RALYL: variants seen among roughly 807,000 people sequenced by gnomAD.
The protein encoded by RALYL is RNA-binding Raly-like protein.
A neutral mutation model predicts 35.1 loss-of-function variants in RALYL; 29 were observed. That is an observed-to-expected ratio of 0.83 (90% CI 0.61 to 1.13). The LOEUF is 1.13. Among genes scored for constraint, RALYL ranks in the 50% most tolerant of loss-of-function variants. RALYL has a pLI of 0.00. For missense variants in RALYL, 359 were observed against 360.4 expected (o/e 1.00, Z 0.03); for synonymous variants, 120 against 127.6 (o/e 0.94, Z 0.40).
intron 2 of RALYL, among the ~76,000 whole-genome samples, chr8:84,651,361 G>T (rs940558822): frequency 2.6e-5 from 4 of 151,802 alleles, no homozygotes; most frequent in African/African-American, 9.7e-5. Context: ...TTAATAACTT[G>T]TATGGAACCA....
intron 2 of RALYL, among the ~76,000 whole-genome samples, chr8:84,749,659 G>A (rs1380038070): frequency 6.6e-6 from 1 of 152,168 alleles, no homozygotes; most frequent in Non-Finnish European, 1.5e-5. Context: ...GTAGCATTGG[G>A]AGAGGGAAGG....
chr8:84,267,822 TTTG>T (rs1222773194), intron 1 of RALYL, among the ~76,000 whole-genome samples: 12 of 152,298 alleles, frequency 7.9e-5, no homozygotes, highest in African/African-American at 1.4e-4. Context: ...GAGGTGTTTT[TTTG>T]TTGTTGTTGT....
intron 1 of RALYL, among the ~76,000 whole-genome samples, chr8:84,502,393 T>A (rs539920478): frequency 1.3e-5 from 2 of 152,102 alleles, no homozygotes; most frequent in Admixed American, 1.3e-4. Flanking sequence ...ATCCCAAGCA[T>A]CCCTTGACCA....
At chr8:84,244,035 TA>T (rs1828561031) in intron 1 of RALYL, among the ~76,000 whole-genome samples, 1 of 152,146 alleles carries the variant, frequency 6.6e-6, no homozygotes. Context: ...CTTAGTAAAT[TA>T]TTTTTTTTCT....
intron 1 of RALYL, among the ~76,000 whole-genome samples, chr8:84,479,303 T>A (rs962679825): frequency 6.6e-6 from 1 of 151,978 alleles, no homozygotes; most frequent in African/African-American, 2.4e-5. Context: ...CTCTTTTGAA[T>A]GCAAAAATCA....
At chr8:84,441,954 A>G (rs2048375306) in intron 1 of RALYL, among the ~76,000 whole-genome samples, 1 of 152,118 alleles carries the variant, frequency 6.6e-6, no homozygotes, top group Non-Finnish European at 1.5e-5. Context: ...ACATATAGGT[A>G]TATTTATTCC....
intron 2 of RALYL, among the ~76,000 whole-genome samples, chr8:84,551,829 C>T (rs538905513): frequency 6.6e-6 from 1 of 152,082 alleles, no homozygotes; most frequent in East Asian, 1.9e-4. Flanking sequence ...CCATTTTTAC[C>T]CTAGCTTGGA....
At chr8:84,659,394 G>T (rs573092963) in intron 2 of RALYL, among the ~76,000 whole-genome samples, 5 of 152,156 alleles carry the variant, frequency 3.3e-5, no homozygotes, top group Admixed American at 1.3e-4. Context: ...GAGAGCCATT[G>T]TACCCCTCCC....
chr8:84,699,367 G>A (rs191574010), intron 2 of RALYL, among the ~76,000 whole-genome samples: 11 of 152,086 alleles, frequency 7.2e-5, no homozygotes, highest in Non-Finnish European at 1.3e-4. Context: ...TAGTCCACTC[G>A]GCTGTTATAA....
intron 1 of RALYL, among the ~76,000 whole-genome samples, chr8:84,355,369 G>T (rs1328747502): frequency 6.6e-6 from 1 of 150,466 alleles, no homozygotes; most frequent in Non-Finnish European, 1.5e-5. Context: ...TTCAGTAAGA[G>T]TGGATAACTT....
At chr8:84,766,224 A>G (rs902492534) in intron 2 of RALYL, among the ~76,000 whole-genome samples, 2 of 152,216 alleles carry the variant, frequency 1.3e-5, no homozygotes, top group African/African-American at 4.8e-5. Context: ...GCTGGATGCT[A>G]ATAGATATAT....
At chr8:84,372,884 C>CTTTTTTTTTTTTTTTTTTTTTTT (rs1586678809) in intron 1 of RALYL, among the ~76,000 whole-genome samples, 1 of 18,726 alleles carries the variant, frequency 5.3e-5, no homozygotes, top group African/African-American at 3.0e-4. Context: ...ATGCCAGCAT[C>CTTTTTTTTTTTTTTTTTTTTTTT]TGTTTTTTTT....
chr8:84,394,106 C>A (rs1246836841), intron 1 of RALYL, among the ~76,000 whole-genome samples: 3 of 152,044 alleles, frequency 2.0e-5, no homozygotes, highest in African/African-American at 7.2e-5. Flanking sequence ...ACACTCCAGT[C>A]TTCCACTGTT....
chr8:84,332,723 C>A (rs1046481529), intron 1 of RALYL, among the ~76,000 whole-genome samples: 1 of 152,044 alleles, frequency 6.6e-6, no homozygotes, highest in African/African-American at 2.4e-5. Context: ...TTCCTAGTGA[C>A]CTTTACAAGA....
intron 1 of RALYL, among the ~76,000 whole-genome samples, chr8:84,237,298 G>C (rs1342781548): frequency 1.3e-5 from 2 of 152,130 alleles, no homozygotes; most frequent in African/African-American, 4.8e-5. Flanking sequence ...GAACAGCTCT[G>C]GCAGCTGGTG....
intron 4 of RALYL, among the ~76,000 whole-genome samples, chr8:84,847,172 G>T (rs1834842844): frequency 6.6e-6 from 1 of 152,224 alleles, no homozygotes; most frequent in Admixed American, 6.5e-5. Flanking sequence ...TGCCCAGACA[G>T]GAGCTCCACC....
chr8:84,626,081 A>G (rs1349651518), intron 2 of RALYL, among the ~76,000 whole-genome samples: 3 of 152,242 alleles, frequency 2.0e-5, no homozygotes, highest in Non-Finnish European at 4.4e-5. Flanking sequence ...AAGTAAAATA[A>G]CAGGATGTGA....
intron 2 of RALYL, among the ~76,000 whole-genome samples, chr8:84,754,357 G>T (rs906368707): frequency 2.0e-5 from 3 of 152,044 alleles, no homozygotes; most frequent in African/African-American, 7.2e-5. Context: ...ACTCATGCTG[G>T]TTGTAGGTGG....
intron 2 of RALYL, among the ~76,000 whole-genome samples, chr8:84,703,786 C>T (rs899734691): frequency 5.3e-5 from 8 of 152,078 alleles, no homozygotes; most frequent in African/African-American, 1.4e-4. Context: ...CCACAGTTTT[C>T]GTGCCTTGTT....
Sources: allele counts gnomAD v4.1 joint callset (sites outside exome capture counted in the v4.1 genomes callset), GRCh38; gene constraint gnomAD v4.1.1; transcripts MANE v1.5; gene names NCBI Gene and HGNC (gene_info 2026-07-23, HGNC 2026-07-21).